MSI2: variants seen among roughly 807,000 people sequenced by gnomAD.
MSI2 encodes the protein RNA-binding protein Musashi homolog 2.
Under a neutral mutation model 45.6 loss-of-function variants are expected in MSI2, and 17 were observed. The ratio of observed to expected loss-of-function variants is 0.37; its 90% confidence interval spans 0.26 to 0.56. The LOEUF (loss-of-function observed/expected upper bound fraction) is 0.56, where lower values mean the gene tolerates loss of function less well. MSI2 is among the 20% of genes least tolerant of loss of function. The pLI is 0.77. For missense variants in MSI2, 293 were observed against 444.2 expected, an observed-to-expected ratio of 0.66 and a Z score of 3.06; for synonymous variants, 156 against 158.2, an observed-to-expected ratio of 0.99 and a Z score of 0.11.
At chr17:57,570,298 C>A (rs1463226638) in intron 7 of MSI2, among the ~76,000 whole-genome samples, 2 of 152,096 alleles carry the variant, frequency 1.3e-5, no homozygotes, top group African/African-American at 4.8e-5. Context: ...TCTTTTAAAA[C>A]CCCCCAGGTG....
intron 6 of MSI2, among the ~76,000 whole-genome samples, chr17:57,456,596 C>G (rs374972982): frequency 5.3e-5 from 8 of 151,196 alleles, no homozygotes; most frequent in African/African-American, 1.5e-4. Flanking sequence ...GAGACTCCAT[C>G]TCCAAAAAAA....
chr17:57,689,977 A>G, the MSI2 span, among the ~76,000 whole-genome samples: 3 of 152,152 alleles, frequency 2.0e-5, no homozygotes, highest in Non-Finnish European at 4.4e-5. Context: ...TGGTGAATAT[A>G]ATTTTTCATT....
intron 7 of MSI2, among the ~76,000 whole-genome samples, chr17:57,588,520 G>C (rs1904525259): frequency 6.6e-6 from 1 of 152,218 alleles, no homozygotes; most frequent in Non-Finnish European, 1.5e-5. Flanking sequence ...ATCCTGGTTA[G>C]ACTGGCTTAG....
At chr17:57,611,518 C>A (rs1285528809) in intron 8 of MSI2, among the ~76,000 whole-genome samples, 1 of 96,392 alleles carries the variant, frequency 1.0e-5, no homozygotes, top group East Asian at 2.6e-4. Context: ...TCCCTAGAGC[C>A]CCCTCCCACA....
intron 7 of MSI2, among the ~76,000 whole-genome samples, chr17:57,554,112 T>C (rs1385468021): frequency 1.3e-5 from 2 of 151,726 alleles, no homozygotes; most frequent in African/African-American, 4.8e-5. Flanking sequence ...ATCCGGGTGC[T>C]AATAAAGATG....
chr17:57,266,940 G>A (rs1907843717), intron 5 of MSI2: 2 of 152,492 alleles, frequency 1.3e-5, no homozygotes, highest in Middle Eastern at 3.4e-3. Context: ...TGGCTTCAGG[G>A]CCCTGGAAGG....
At chr17:57,686,162 C>A (rs543239889), downstream of MSI2, among the ~76,000 whole-genome samples, 5 of 152,236 alleles carry the variant, frequency 3.3e-5, no homozygotes, top group South Asian at 1.0e-3. Flanking sequence ...TGACAAATGT[C>A]AGCGTCAGTG....
intron 6 of MSI2, among the ~76,000 whole-genome samples, chr17:57,459,801 C>G (rs2085188340): frequency 6.6e-6 from 1 of 151,812 alleles, no homozygotes. Flanking sequence ...CAAGACCAGC[C>G]TGGGCAACAT....
intron 6 of MSI2, among the ~76,000 whole-genome samples, chr17:57,409,085 T>A (rs2084139873): frequency 6.6e-6 from 1 of 152,184 alleles, no homozygotes; most frequent in Admixed American, 6.5e-5. Flanking sequence ...TAGCTAAAAG[T>A]GGGCTGCCAA....
intron 6 of MSI2, among the ~76,000 whole-genome samples, chr17:57,514,314 G>A (rs762374518): frequency 6.6e-6 from 1 of 152,220 alleles, no homozygotes; most frequent in Non-Finnish European, 1.5e-5. Context: ...TTTCAGCAAA[G>A]CACTGAAGAC....
At position 57,280,532 on chromosome 17, in the gene MSI2, T is replaced by C. The variant is rs1419131012; in HGVS notation, c.312+18340T>C. Among the ~76,000 whole-genome samples the C allele has an allele frequency of 6.6e-6, 1 of 151,996 alleles. No homozygotes were observed. The highest frequency in any genetic ancestry group is 1.5e-5 in the Non-Finnish European group (1 of 68,010). ...CAAGTGTTAAAGGTGAGAGGCAAATTTGACTTCTCATTGATGTGAGCAGAG... is the reference window on the plus strand; with the variant it reads ...CAAGTGTTAAAGGTGAGAGGCAAATCTGACTTCTCATTGATGTGAGCAGAG... On this transcript the variant is annotated intron_variant, in intron 5 of 13. Coordinates refer to ENST00000284073, the MANE Select transcript of MSI2 (RefSeq NM_138962.4). The surrounding 1 kb of genome is among the most constrained non-coding windows in gnomAD (Gnocchi z 4.2).
chr17:57,638,330 A>C (rs768062344), intron 10 of MSI2, among the ~76,000 whole-genome samples: 18 of 152,192 alleles, frequency 1.2e-4, no homozygotes, highest in Admixed American at 4.6e-4. Context: ...GGGCAAAGGC[A>C]CATTCTCTGC....
At position 57,327,388 on chromosome 17, in the gene MSI2, G is replaced by A. The variant is rs563874368; in HGVS notation, c.312+65196G>A. Among the ~76,000 whole-genome samples, 11 of 152,334 alleles carry A rather than the reference G, an allele frequency of 7.2e-5. No individual in the cohort carries two copies. The South Asian group carries it at 2.3e-3, about 32-fold the overall frequency. On this transcript the variant is annotated intron_variant, in intron 5 of 13. Coordinates refer to ENST00000284073, the MANE Select transcript of MSI2 (RefSeq NM_138962.4). Reference sequence around the variant, plus strand: ...GGGACCCAGATCTAATACAGTGGGTGCCTTTTCTCTTGCTTCAGCAAGGTA... The same window carrying A: ...GGGACCCAGATCTAATACAGTGGGTACCTTTTCTCTTGCTTCAGCAAGGTA...
chr17:57,624,964 A>C (rs897669059), intron 9 of MSI2, among the ~76,000 whole-genome samples: 1 of 152,196 alleles, frequency 6.6e-6, no homozygotes, highest in Non-Finnish European at 1.5e-5. Flanking sequence ...TGGGAAGTAA[A>C]GATCAAGGTG....
At chr17:57,276,422 A>T (rs1377249621) in intron 5 of MSI2, among the ~76,000 whole-genome samples, 3 of 152,270 alleles carry the variant, frequency 2.0e-5, no homozygotes, top group Non-Finnish European at 4.4e-5. Context: ...ATTAGGAGCC[A>T]GTTTAGACCT....
chr17:57,678,204 C>T (rs1261503778), intron 13 of MSI2, among the ~76,000 whole-genome samples: 1 of 152,194 alleles, frequency 6.6e-6, no homozygotes, highest in Non-Finnish European at 1.5e-5. Context: ...CTCCATAAAT[C>T]TCTTGGATTT....
chr17:57,560,989 C>T (rs1449589111), intron 7 of MSI2, among the ~76,000 whole-genome samples: 1 of 152,240 alleles, frequency 6.6e-6, no homozygotes, highest in Non-Finnish European at 1.5e-5. Context: ...AAAGGAGCTG[C>T]TCCCTGCTTC....
intron 8 of MSI2, chr17:57,601,566 C>A: frequency 6.6e-6 from 1 of 152,614 alleles, no homozygotes. Flanking sequence ...TCCTGACGAG[C>A]CGGGCAGCAG....
chr17:57,338,573 TG>T (rs1914876910), intron 5 of MSI2, among the ~76,000 whole-genome samples: 1 of 152,132 alleles, frequency 6.6e-6, no homozygotes, highest in Non-Finnish European at 1.5e-5. Context: ...CCCAGTTGCT[TG>T]GGGACCCTGA....
Sources: gnomAD v4.1 joint callset for allele counts (sites outside exome capture counted in the v4.1 genomes callset) on GRCh38, gnomAD v4.1.1 for gene constraint, Gnocchi (gnomAD v3.1) non-coding constraint, MANE v1.5 for transcripts, NCBI Gene and HGNC (gene_info 2026-07-23, HGNC 2026-07-21) for gene names.